MADD: variants seen among roughly 807,000 people sequenced by gnomAD.
MADD encodes the protein MAP kinase-activating death domain protein.
A neutral mutation model predicts 176.7 loss-of-function variants in MADD; 109 were observed. The ratio of observed to expected loss-of-function variants is 0.62; its 90% CI spans 0.53 to 0.72. The LOEUF (loss-of-function observed/expected upper bound fraction) is 0.72, where lower values mean the gene tolerates loss of function less well. Ranked by LOEUF, MADD falls within the 30% of genes least tolerant of loss-of-function variation. The pLI, the probability that MADD is intolerant of heterozygous loss-of-function variation, is 0.00. For synonymous variants in MADD, 771 were observed against 771.3 expected (o/e 1.00, Z 0.01); for missense variants, 1,914 against 2,045.5 (o/e 0.94, Z 1.24).
chr11:47,296,764 G>GTTT (rs753454831), intron 22 of MADD, among the ~76,000 whole-genome samples: 2,741 of 116,780 alleles, frequency 0.023, 79 homozygotes, highest in South Asian at 0.11. Flanking sequence ...GTTTTTTGTT[G>GTTT]TTTTTTTTTT....
intron 20 of MADD, among the ~76,000 whole-genome samples, chr11:47,294,381 T>C (rs1268388792): frequency 7.2e-6 from 1 of 138,102 alleles, no homozygotes; most frequent in Non-Finnish European, 1.5e-5. Flanking sequence ...AAAAATAAAA[T>C]AGCCAGGTGC....
chr11:47,316,332 A>G (rs1192429580), intron 27 of MADD, among the ~76,000 whole-genome samples: 2 of 147,090 alleles, frequency 1.4e-5, no homozygotes, highest in Non-Finnish European at 3.0e-5. Flanking sequence ...CCTATAGACA[A>G]CCACTTTTAT....
At chr11:47,274,038 T>G in intron 2 of MADD, 62 bp downstream of exon 2, 1 of 1,440,864 alleles carries the variant, frequency 6.9e-7, no homozygotes, top group South Asian at 1.2e-5. Flanking sequence ...TCTGCAGTTG[T>G]TCCCTTCTCC....
rs377348243 is a variant in MADD at position 47,301,419 on chromosome 11, A to G, written c.3642+5364A>G. On this transcript the variant is annotated intron_variant, in intron 22 of 32. Coordinates refer to ENST00000402192, the Ensembl canonical transcript of MADD. The stretch of plus-strand genomic sequence containing the variant: ...AGGCATGAGCCACCACGCCCGGCCT[A>G]TTTTTTTAAGTCTCAAGTTTTATTT... Among the ~76,000 whole-genome samples, 22 of 152,078 alleles carry G rather than the reference A, an allele frequency of 1.4e-4. No individual in the cohort carries two copies. The South Asian group carries it at 3.7e-3, about 26-fold the overall frequency.
intron 22 of MADD, among the ~76,000 whole-genome samples, chr11:47,307,181 C>T (rs1290884872): frequency 2.0e-4 from 30 of 151,956 alleles, no homozygotes; most frequent in Non-Finnish European, 1.5e-5. Flanking sequence ...ACCAAAGTGC[C>T]AGGACTATAG....
chr11:47,300,943 A>AT (rs138226373), intron 22 of MADD, among the ~76,000 whole-genome samples: 11,633 of 141,232 alleles, frequency 0.082, 523 homozygotes, highest in South Asian at 0.12. Flanking sequence ...GTCTCCAGTG[A>AT]TTTTTTGTTT....
intron 22 of MADD, among the ~76,000 whole-genome samples, chr11:47,297,692 C>A (rs1268425825): frequency 6.6e-6 from 1 of 151,514 alleles, no homozygotes; most frequent in African/African-American, 2.4e-5. Flanking sequence ...GTGATCTGCT[C>A]GCCTTGGCCT....
intron 22 of MADD, 22 bp from the exon 25 acceptor site, chr11:47,308,569 A>G (rs1394752422): frequency 6.3e-7 from 1 of 1,593,720 alleles, no homozygotes; most frequent in Non-Finnish European, 8.6e-7. Context: ...CTGGCCACTG[A>G]CCTATCACCT....
At chr11:47,308,899 G>A (rs2140784576) in intron 23 of MADD, 81 bp from the exon 26 acceptor site, 2 of 1,373,774 alleles carry the variant, frequency 1.5e-6, no homozygotes, top group South Asian at 2.4e-5. Flanking sequence ...GGGTTTTGGT[G>A]TTAATCAACA....
intron 31 of MADD, 94 bp downstream of exon 35, chr11:47,326,901 G>A: frequency 6.4e-7 from 1 of 1,568,154 alleles, no homozygotes; most frequent in Non-Finnish European, 8.6e-7. Flanking sequence ...GGGAGAAGAA[G>A]AACCTCTGTA....
intron 26 of MADD, among the ~76,000 whole-genome samples, chr11:47,314,145 G>A (rs1340660588): frequency 6.6e-6 from 1 of 152,026 alleles, no homozygotes; most frequent in African/African-American, 2.4e-5. Context: ...GGAGGCTGAG[G>A]TGGGAGGATC....
At chr11:47,284,607 A>G (rs1360460393) in intron 12 of MADD, 42 bp downstream of exon 12, 2 of 1,596,038 alleles carry the variant, frequency 1.3e-6, no homozygotes, top group African/African-American at 2.7e-5. Context: ...ATGGCCTGGG[A>G]TGTGGGCCTC....
intron 22 of MADD, among the ~76,000 whole-genome samples, chr11:47,301,310 GT>G (rs1364236472): frequency 6.6e-6 from 1 of 151,932 alleles, no homozygotes; most frequent in African/African-American, 2.4e-5. Flanking sequence ...TAGAGATGGG[GT>G]TTTGCCATGT....
chr11:47,269,756 T>TG (rs926246959), upstream of MADD: 13 of 147,272 alleles, frequency 8.8e-5, no homozygotes, highest in South Asian at 2.3e-3. Flanking sequence ...AGCGCGTGAG[T>TG]GGGGGGTGGG....
At chr11:47,282,287 G>C in intron 8 of MADD, 94 bp from the exon 9 acceptor site, 1 of 950,542 alleles carries the variant, frequency 1.1e-6, no homozygotes. Flanking sequence ...TTGGAAGCCT[G>C]TTAAGTGATG....
At chr11:47,329,165 G>A (rs145720815) in exon 33 of MADD, 24 of 1,596,418 alleles carry the variant, frequency 1.5e-5, no homozygotes, top group African/African-American at 9.4e-5. Flanking sequence ...GAGGGGCTAC[G>A]CAGCTGCCCC....
Position 47,282,938 on chromosome 11 carries a change from C to T in MADD, c.1831C>T (p.Arg611Trp), listed in dbSNP as rs374003373. The T allele has an allele frequency of 1.1e-5, 18 of 1,613,684 alleles. No individual in the cohort carries two copies. Among genetic ancestry groups the T allele is most frequent in the African/African-American group, 4.0e-5 (3 of 74,890 alleles). ...TGAGGCCCTGAGTGTACCACCAGAGCGGGACTCTGACTCCGAACCTACTGA... is the reference window on the plus strand; with the variant it reads ...TGAGGCCCTGAGTGTACCACCAGAGTGGGACTCTGACTCCGAACCTACTGA... Residue 611 changes from arginine (R) to tryptophan (W), a missense_variant, in exon 10 of 33, where the codon CGG becomes TGG. This residue lies in a region of MADD where 1,767 missense variants were observed against 1,836.0 expected (regional missense o/e 0.96). Coordinates refer to ENST00000402192, the Ensembl canonical transcript of MADD.
chr11:47,324,799 C>A, intron 30 of MADD: 1 of 685,106 alleles, frequency 1.5e-6, no homozygotes, highest in South Asian at 1.5e-5. Context: ...GTGGGGGAGG[C>A]TGGGCAGGAG....
At chr11:47,307,391 G>A (rs2083695986) in intron 22 of MADD, among the ~76,000 whole-genome samples, 2 of 152,068 alleles carry the variant, frequency 1.3e-5, no homozygotes, top group Admixed American at 1.3e-4. Context: ...GGTGAGCAAG[G>A]GCTCTTTATA....
Sources: gnomAD v4.1 joint callset for allele counts (sites outside exome capture counted in the v4.1 genomes callset) on GRCh38, gnomAD v4.1.1 for gene constraint, gnomAD v4.1.1 regional missense constraint, MANE v1.5 for transcripts, NCBI Gene and HGNC (gene_info 2026-07-23, HGNC 2026-07-21) for gene names.